DBF4B: variants seen among roughly 807,000 people sequenced by gnomAD.
DBF4B encodes the protein DBF4B-CDC7 kinase regulatory subunit.
DBF4B carries 49 observed loss-of-function variants against 53.4 expected under a neutral mutation model. The observed-to-expected ratio is 0.92, with a 90% CI of 0.73 to 1.16. The LOEUF is 1.16. DBF4B is among the 50% of genes most tolerant of loss of function. The pLI is 0.00. For missense variants in DBF4B, 692 were observed against 775.0 expected, an observed-to-expected ratio of 0.89 and a Z score of 1.27; for synonymous variants, 257 against 288.7, an observed-to-expected ratio of 0.89 and a Z score of 1.11.
At position 44,751,219 on chromosome 17, in the gene DBF4B, T is replaced by G; in HGVS notation, c.1814T>G (p.Leu605Arg). ...PQGWNTPQPF[L>R]HCGFLAVDSG The stretch of plus-strand genomic sequence containing the variant: ...GGCTGGAACACTCCTCAGCCATTTC[T>G]CCATTGCGGCTTCCTGGCTGTAGAC... Residue 605 changes from leucine to arginine, a missense_variant, in exon 14 of 14, where the codon CTC (leucine) becomes CGC (arginine). Around this residue, in one of 3 missense-constraint regions of DBF4B, gnomAD observed 597 missense variants for 665.8 expected, o/e 0.90. Transcript: ENST00000315005. 6.2e-7 allele frequency: 1 copy of G among 1,613,860 alleles called. No individual in the cohort carries two copies. Among genetic ancestry groups the G allele is most frequent in the Non-Finnish European group, 8.5e-7 (1 of 1,179,966 alleles).
At position 44,752,065 on chromosome 17, in the gene DBF4B, T is replaced by G. The variant is rs2049287416; in HGVS notation, c.*812T>G. ...GCCTCTTCTCGCTGAGCCTTTCACTTCTCGGCAGATGTGACCGATTGGTAG... is the reference window on the plus strand; with the variant it reads ...GCCTCTTCTCGCTGAGCCTTTCACTGCTCGGCAGATGTGACCGATTGGTAG... On this transcript the variant is annotated 3_prime_UTR_variant, in exon 14 of 14. Transcript: ENST00000315005. The G allele has an allele frequency of 2.4e-5, 33 of 1,394,442 alleles. No individual in the cohort carries two copies. The South Asian group carries it at 3.7e-4, about 16-fold the overall frequency. The allele number at this position is 1,394,442 out of a possible 1,614,324, so 86.4% of individuals were successfully genotyped here. A position where few individuals can be genotyped will look rare whatever the true frequency, so the allele number is the denominator to read the frequency against.
intron 2 of DBF4B, among the ~76,000 whole-genome samples, chr17:44,718,295 C>T (rs1178973155): frequency 2.6e-5 from 4 of 151,532 alleles, no homozygotes; most frequent in African/African-American, 9.7e-5. Flanking sequence ...TGGTGGTGTG[C>T]GCCTGTAGTC....
intron 6 of DBF4B, 29 bp downstream of exon 6, chr17:44,732,294 A>T (rs1421292690): frequency 3.7e-6 from 6 of 1,610,932 alleles, no homozygotes; most frequent in Non-Finnish European, 5.1e-6. Flanking sequence ...GCTCCTGTGG[A>T]GGGAGAATTG....
intron 10 of DBF4B, among the ~76,000 whole-genome samples, chr17:44,743,725 C>A (rs1976308379): frequency 6.6e-6 from 1 of 151,666 alleles, no homozygotes. Flanking sequence ...ATTCTCCTCC[C>A]TCAGCCTCCT....
chr17:44,740,393 A>C (rs1975887175), intron 9 of DBF4B, among the ~76,000 whole-genome samples: 1 of 152,180 alleles, frequency 6.6e-6, no homozygotes, highest in African/African-American at 2.4e-5. Context: ...AAGTATACAC[A>C]GATCACTTCT....
At chr17:44,727,147 C>G (rs1974432880) in intron 3 of DBF4B, among the ~76,000 whole-genome samples, 1 of 140,726 alleles carries the variant, frequency 7.1e-6, no homozygotes, top group Non-Finnish European at 1.5e-5. Flanking sequence ...AGGCTAGGCT[C>G]AGTGGCTCGT....
At position 44,734,132 on chromosome 17, in the gene DBF4B, G is replaced by A. The variant is rs750594803; in HGVS notation, c.599G>A (p.Cys200Tyr). 1.9e-6 allele frequency: 3 copies of A among 1,614,184 alleles called. No homozygotes were observed. Among genetic ancestry groups the A allele is most frequent in the Admixed American group, 1.7e-5 (1 of 60,018 alleles). ...HVQQLSLASLCVKKQQPKKPE... is the reference protein window; with the variant it reads ...HVQQLSLASLYVKKQQPKKPE... ...CAACAGCTGTCTCTTGCGTCTTTAT[G>A]TGTGAAAAAACAACAGCCAAAGAAG... The change falls in exon 7 of 14, where the codon TGT (cysteine) becomes TAT (tyrosine). Residue 200 changes from cysteine to tyrosine, a missense_variant. By Grantham distance (194) the Cys-to-Tyr change is radical. Around this residue, in one of 3 missense-constraint regions of DBF4B, gnomAD observed 597 missense variants for 665.8 expected, o/e 0.90. Transcript: ENST00000315005.
chr17:44,748,654 T>A, intron 13 of DBF4B, 189 bp downstream of exon 13: 1 of 1,483,138 alleles, frequency 6.7e-7, no homozygotes, highest in South Asian at 1.2e-5. Context: ...TAGCTCTGGT[T>A]TTATGGAACT....
chr17:44,715,323 C>T lies in DBF4B; in HGVS notation c.82+5957C>T, dbSNP rs147710563. Among the ~76,000 whole-genome samples, 220 of 152,218 alleles carry T rather than the reference C, an allele frequency of 1.4e-3. 1 individual carries two copies. The highest frequency in any genetic ancestry group is 4.9e-3 in the African/African-American group (204 of 41,534). On this transcript the variant is annotated intron_variant, in intron 2 of 13. Transcript: ENST00000315005. Reference sequence around the variant, plus strand: ...TCAAGTGATTCTCCAGTCTCAGCCTCCTAAGTAGCTGGGATTACAGGCACC... The same window carrying T: ...TCAAGTGATTCTCCAGTCTCAGCCTTCTAAGTAGCTGGGATTACAGGCACC...
chr17:44,746,592 G>A (rs565362656), intron 10 of DBF4B, among the ~76,000 whole-genome samples: 1 of 152,248 alleles, frequency 6.6e-6, no homozygotes, highest in African/African-American at 2.4e-5. Flanking sequence ...GCCAAGGCAG[G>A]TGGATCACCT....
rs1212232654 is a variant in DBF4B, at chr17:44,749,408, G to T, written c.1189+943G>T. The T allele has an allele frequency of 7.8e-7, 1 of 1,289,422 alleles. No homozygotes were observed. Among genetic ancestry groups the T allele is most frequent in the Non-Finnish European group, 1.0e-6 (1 of 988,868 alleles). 79.9% of individuals were successfully genotyped at this position (1,289,422 alleles called of 1,614,324 possible). A position where few individuals can be genotyped will look rare whatever the true frequency, so the allele number is the denominator to read the frequency against. On this transcript the variant is annotated intron_variant, in intron 13 of 13. Coordinates refer to ENST00000315005, the MANE Select transcript of DBF4B (RefSeq NM_145663.3). This position sits in a 1 kb window ranked among gnomAD's most constrained non-coding sequence, Gnocchi z 4.4. The stretch of plus-strand genomic sequence containing the variant: ...TCCTCTGCTGGGTGCTGCACACCCG[G>T]CCAGGGCTGACCAGGACGCAGGAGG...
chr17:44,750,410 A>C, intron 13 of DBF4B, 185 bp from the exon 14 acceptor site: 1 of 985,260 alleles, frequency 1.0e-6, no homozygotes, highest in Non-Finnish European at 1.2e-6. Context: ...ATGGGTGAGG[A>C]CTCAAGTTAT....
Position 44,708,762 on chromosome 17 carries a change from A to G in DBF4B, c.-59A>G. 2 of 1,541,488 alleles carry G rather than the reference A, an allele frequency of 1.3e-6. No individual in the cohort carries two copies. The highest frequency in any genetic ancestry group is 8.8e-7 in the Non-Finnish European group (1 of 1,140,756). ...TCGGGAAGAGCTCATGGAGCTCGCG[A>G]ATGTAATACGGAGGCCTCTGAGGAA... On this transcript the variant is annotated 5_prime_UTR_variant, in exon 1 of 14. Coordinates refer to ENST00000315005, the MANE Select transcript of DBF4B (RefSeq NM_145663.3).
chr17:44,751,730 C>T lies in DBF4B; in HGVS notation c.*477C>T, dbSNP rs1362157903. 3 of 1,449,710 alleles carry T rather than the reference C, an allele frequency of 2.1e-6. No homozygotes were observed. The highest frequency in any genetic ancestry group is 2.7e-6 in the Non-Finnish European group (3 of 1,102,822). The allele number at this position is 1,449,710 out of a possible 1,614,324, so 89.8% of individuals were successfully genotyped here. ...CTTCACCTCCTTCCCTTCCACACTT[C>T]CTTCCTGGGTAGCTCTGCCTGAAGC... is the stretch of plus-strand genomic sequence containing the variant. On this transcript the variant is annotated 3_prime_UTR_variant, in exon 14 of 14. Transcript: ENST00000315005.
At chr17:44,738,445 C>T (rs1387534159) in intron 9 of DBF4B, 21 bp downstream of exon 9, 1 of 1,612,578 alleles carries the variant, frequency 6.2e-7, no homozygotes, top group Admixed American at 1.7e-5. Flanking sequence ...CCTCCTTTCT[C>T]TGCTTGCCCC....
In DBF4B at chr17:44,730,030, G is replaced by A. The variant is rs1333431645; in HGVS notation, c.351G>A (p.Val117=). 1.2e-6 allele frequency: 2 copies of A among 1,613,426 alleles called. No homozygotes were observed. The highest frequency in any genetic ancestry group is 1.7e-5 in the Admixed American group (1 of 60,010). The change falls in exon 4 of 14, where the codon GTG becomes GTA. Residue 117 remains valine (V), a synonymous_variant. Transcript: ENST00000315005. ...GCCCTAGCCCCAGTGAGGTCAGAGT[G>A]GAAACATCGGCCATGGTTGATCCAA... The part of the protein sequence containing the change: ...CPSPSPSEVR[V]ETSAMVDPKG...
intron 1 of DBF4B, 98 bp from the exon 2 acceptor site, chr17:44,709,206 C>T (rs1362695261): frequency 2.7e-6 from 4 of 1,487,102 alleles, no homozygotes; most frequent in African/African-American, 1.4e-5. Flanking sequence ...CCAGGAGTCG[C>T]GTTTCTGTGC....
intron 2 of DBF4B, 71 bp downstream of exon 2, chr17:44,709,437 A>C (rs1972665304): frequency 6.6e-7 from 1 of 1,516,246 alleles, no homozygotes; most frequent in East Asian, 2.3e-5. Context: ...AGACCGAAAA[A>C]TGTTCCCCCT....
At chr17:44,712,529 C>T (rs961513690) in intron 2 of DBF4B, among the ~76,000 whole-genome samples, 2 of 151,910 alleles carry the variant, frequency 1.3e-5, no homozygotes, top group African/African-American at 2.4e-5. Context: ...TGGTCTTGAT[C>T]TCCTGGTCTC....
Sources: allele counts gnomAD v4.1 joint callset (sites outside exome capture counted in the v4.1 genomes callset), GRCh38; gene constraint gnomAD v4.1.1; regional missense constraint gnomAD v4.1.1; non-coding constraint Gnocchi (gnomAD v3.1); transcripts MANE v1.5; gene names NCBI Gene and HGNC (gene_info 2026-07-23, HGNC 2026-07-21).